The following CPAMD8 variants were observed in gnomAD, a reference collection of about 807,000 sequenced individuals.
The protein encoded by CPAMD8 is C3 and PZP-like alpha-2-macroglobulin domain-containing protein 8.
A neutral mutation model predicts 224.7 loss-of-function variants in CPAMD8; 146 were observed. That is an observed-to-expected ratio of 0.65 (90% CI 0.57 to 0.75). The LOEUF is 0.75. Among genes scored for constraint, CPAMD8 ranks in the 30% least tolerant of loss-of-function variants. The probability of loss-of-function intolerance (pLI) is 0.00; values close to 1 mark genes in which losing one functional copy is unlikely to be tolerated. For missense variants in CPAMD8, 2,301 were observed against 2,537.5 expected (o/e 0.91, Z 2.00); for synonymous variants, 966 against 1,044.6 (o/e 0.92, Z 1.45).
Position 16,971,037 on chromosome 19 carries a change from G to C in CPAMD8, c.2071-4C>G. The stretch of plus-strand genomic sequence containing the variant: ...TCATCACCACCAGTCCCGTTTCCTA[G>C]GCAACAGACAACACCCAAACCATTG... On this transcript the variant is annotated splice_region_variant and splice_polypyrimidine_tract_variant and intron_variant, in intron 17 of 41. Coordinates refer to ENST00000443236, the MANE Select transcript of CPAMD8 (RefSeq NM_015692.5). The C allele has an allele frequency of 6.3e-7, 1 of 1,597,274 alleles. No homozygotes were observed. Among genetic ancestry groups the C allele is most frequent in the Non-Finnish European group, 8.5e-7 (1 of 1,171,748 alleles).
intron 14 of CPAMD8, among the ~76,000 whole-genome samples, chr19:16,978,648 T>A (rs8109949): frequency 6.6e-6 from 1 of 151,900 alleles, no homozygotes; most frequent in African/African-American, 2.4e-5. Flanking sequence ...AGAGATGCTA[T>A]TCAGCATCCT....
intron 18 of CPAMD8, among the ~76,000 whole-genome samples, chr19:16,965,863 A>T (rs2054809755): frequency 6.6e-6 from 1 of 152,232 alleles, no homozygotes; most frequent in Non-Finnish European, 1.5e-5. Context: ...AAATGGAAGA[A>T]CATTCCATGC....
At chr19:16,921,706 A>T (rs2053180252) in intron 27 of CPAMD8, among the ~76,000 whole-genome samples, 199 bp downstream of exon 27, 1 of 152,176 alleles carries the variant, frequency 6.6e-6, no homozygotes, top group Non-Finnish European at 1.5e-5. Flanking sequence ...AGGAATGGTT[A>T]CGATCACCAG....
chr19:16,977,496 A>G lies in CPAMD8; in HGVS notation c.1630T>C (p.Ser544Pro), dbSNP rs2055324024. 6.2e-7 allele frequency: 1 copy of G among 1,610,864 alleles called. No homozygotes were observed. The highest frequency in any genetic ancestry group is 8.5e-7 in the Non-Finnish European group (1 of 1,178,952). The change falls in exon 15 of 42, where the codon TCT (serine) becomes CCT (proline). Residue 544 changes from serine (S) to proline (P), a missense_variant. This residue lies in a region of CPAMD8 where 301 missense variants were observed against 406.6 expected (regional missense o/e 0.74). Coordinates refer to ENST00000443236, the MANE Select transcript of CPAMD8 (RefSeq NM_015692.5). Reference sequence around the variant, plus strand: ...CTGGGGGTCACGGCCAGATGAAGAGAGGTCACACACACGTCGACCTCAGCT... The same window carrying G: ...CTGGGGGTCACGGCCAGATGAAGAGGGGTCACACACACGTCGACCTCAGCT... ...PEAEVDVCVTSLHLAVTPSMV... is the reference protein window; with the variant it reads ...PEAEVDVCVTPLHLAVTPSMV...
chr19:16,989,897 C>T (rs2055879419), intron 12 of CPAMD8, 126 bp from the exon 13 acceptor site: 1 of 875,370 alleles, frequency 1.1e-6, no homozygotes, highest in African/African-American at 1.7e-5. Context: ...TTTGGGGAAC[C>T]CCCTCCCCAA....
At chr19:16,927,250 T>C (rs907359673) in intron 25 of CPAMD8, among the ~76,000 whole-genome samples, 1 of 152,062 alleles carries the variant, frequency 6.6e-6, no homozygotes, top group Admixed American at 6.5e-5. Flanking sequence ...CCCCATACTG[T>C]TCTCGCAGTA....
intron 19 of CPAMD8, among the ~76,000 whole-genome samples, chr19:16,956,554 G>A (rs1028442253): frequency 2.6e-5 from 4 of 152,174 alleles, no homozygotes; most frequent in African/African-American, 4.8e-5. Context: ...TCCGGGCCAG[G>A]AGCAGTAGCT....
intron 18 of CPAMD8, among the ~76,000 whole-genome samples, chr19:16,966,888 G>A (rs1599800533): frequency 6.6e-6 from 1 of 152,296 alleles, no homozygotes; most frequent in East Asian, 1.9e-4. Flanking sequence ...TACACTGTTG[G>A]TGGGAGTGTA....
At chr19:16,911,259 A>G (rs1317222348) in intron 29 of CPAMD8, among the ~76,000 whole-genome samples, 2 of 150,450 alleles carry the variant, frequency 1.3e-5, no homozygotes, top group African/African-American at 4.9e-5. Context: ...CCTGAGCTCC[A>G]CCTCCCATCG....
chr19:16,909,794 T>C (rs1291305422), intron 29 of CPAMD8, among the ~76,000 whole-genome samples: 1 of 152,186 alleles, frequency 6.6e-6, no homozygotes, highest in Non-Finnish European at 1.5e-5. Flanking sequence ...TTACTCAGTG[T>C]TACTCAGGCT....
At chr19:17,011,377 G>C in intron 5 of CPAMD8, 87 bp downstream of exon 5, 1 of 1,401,602 alleles carries the variant, frequency 7.1e-7, no homozygotes, top group Non-Finnish European at 1.0e-6. Flanking sequence ...AAGTTCTGGA[G>C]AGAAAGACCC....
At chr19:17,007,410 G>C (rs2056522168) in intron 7 of CPAMD8, among the ~76,000 whole-genome samples, 1 of 151,732 alleles carries the variant, frequency 6.6e-6, no homozygotes, top group Non-Finnish European at 1.5e-5. Flanking sequence ...GGAGGAAGAA[G>C]AAGCAGGAGG....
intron 19 of CPAMD8, among the ~76,000 whole-genome samples, chr19:16,954,592 C>T (rs1321429309): frequency 1.3e-5 from 2 of 152,106 alleles, no homozygotes; most frequent in Non-Finnish European, 2.9e-5. Flanking sequence ...GCATTATTCA[C>T]AATAGCCAAA....
chr19:16,943,495 TG>T (rs978443853), intron 22 of CPAMD8, among the ~76,000 whole-genome samples: 10 of 152,214 alleles, frequency 6.6e-5, no homozygotes, highest in Middle Eastern at 3.4e-3. Flanking sequence ...CTCCAACTTC[TG>T]GCCTCAAGCC....
At chr19:16,989,009 T>G (rs2055842936) in intron 13 of CPAMD8, among the ~76,000 whole-genome samples, 1 of 152,140 alleles carries the variant, frequency 6.6e-6, no homozygotes, top group East Asian at 1.9e-4. Context: ...TCATGCCTGA[T>G]GATCTGTCAC....
intron 13 of CPAMD8, among the ~76,000 whole-genome samples, chr19:16,988,828 T>C (rs4808547): frequency 0.83 from 125,787 of 151,942 alleles, 52,723 homozygotes; most frequent in African/African-American, 0.96. Context: ...AGTAGTAGGC[T>C]GACAATCAAA....
At chr19:16,917,635 C>A (rs577353129) in intron 27 of CPAMD8, among the ~76,000 whole-genome samples, 2 of 152,070 alleles carry the variant, frequency 1.3e-5, no homozygotes, top group South Asian at 4.1e-4. Context: ...CAGCTGCTTG[C>A]GGGGCTGAGG....
Position 16,904,618 on chromosome 19 carries a change from G to A in CPAMD8, c.4028-66C>T, listed in dbSNP as rs773863. The stretch of plus-strand genomic sequence containing the variant: ...TGTGTAGCCTGGCATCCCATGGAGC[G>A]CATCCAAGCATGGGGTCTAAAGAAA... On this transcript the variant is annotated intron_variant, in intron 30 of 41. Transcript: ENST00000443236. 0.37 allele frequency: 387,443 copies of A among 1,057,786 alleles called. 73,926 individuals are homozygous for A. Among genetic ancestry groups the A allele is most frequent in the African/African-American group, 0.52 (33,421 of 64,144 alleles). The allele number at this position is 1,057,786 out of a possible 1,614,324, so 65.5% of individuals were successfully genotyped here. A position where few individuals can be genotyped will look rare whatever the true frequency, so the allele number is the denominator to read the frequency against.
At chr19:16,949,298 C>T (rs1266861626) in intron 20 of CPAMD8, among the ~76,000 whole-genome samples, 1 of 152,136 alleles carries the variant, frequency 6.6e-6, no homozygotes, top group Non-Finnish European at 1.5e-5. Flanking sequence ...GCGCTCAGAG[C>T]CAAGCCGGAC....
Sources: gnomAD v4.1 joint callset for allele counts (sites outside exome capture counted in the v4.1 genomes callset) on GRCh38, gnomAD v4.1.1 for gene constraint, gnomAD v4.1.1 regional missense constraint, MANE v1.5 for transcripts, NCBI Gene and HGNC (gene_info 2026-07-23, HGNC 2026-07-21) for gene names.